RNF2: variants seen among roughly 807,000 people sequenced by gnomAD.
RNF2 encodes the protein ring finger protein 2.
In RNF2, 6 loss-of-function variants were observed where a neutral mutation model predicts 37.2. The ratio of observed to expected loss-of-function variants is 0.16; its 90% CI spans 0.09 to 0.32. RNF2 has a LOEUF of 0.32. RNF2 is among the 10% of genes least tolerant of loss of function. The pLI is 1.00. For missense variants in RNF2, 251 were observed against 404.0 expected (o/e 0.62, Z 3.25); for synonymous variants, 133 against 132.7 (o/e 1.00, Z -0.02).
intron 1 of RNF2, among the ~76,000 whole-genome samples, chr1:185,068,594 C>T (rs556276928): frequency 6.6e-6 from 1 of 152,218 alleles, no homozygotes; most frequent in Non-Finnish European, 1.5e-5. Context: ...AACAGATTCT[C>T]CCCTAGGGCC....
chr1:185,087,586 A>G lies in RNF2; in HGVS notation c.33A>G (p.Gln11=). The G allele has an allele frequency of 6.8e-6, 11 of 1,614,192 alleles. No individual in the cohort carries two copies. The highest frequency in any genetic ancestry group is 1.1e-5 in the South Asian group (1 of 91,084). The change falls in exon 2 of 7, where the codon CAA becomes CAG. Residue 11 remains glutamine (Q), a synonymous_variant. Transcript: ENST00000367510. MSQAVQTNGT[Q]PLSKTWELSL... Reference sequence around the variant, plus strand: ...AGGCTGTGCAGACAAACGGAACTCAACCATTAAGCAAAACATGGGAACTCA... The same window carrying G: ...AGGCTGTGCAGACAAACGGAACTCAGCCATTAAGCAAAACATGGGAACTCA...
chr1:185,055,754 T>C (rs1447081575), intron 1 of RNF2, among the ~76,000 whole-genome samples: 3 of 152,212 alleles, frequency 2.0e-5, no homozygotes, highest in Non-Finnish European at 4.4e-5. Context: ...TTATATCAGA[T>C]TCAGAAAATC....
intron 1 of RNF2, among the ~76,000 whole-genome samples, chr1:185,051,523 G>A (rs1409244034): frequency 6.6e-6 from 1 of 152,218 alleles, no homozygotes; most frequent in African/African-American, 2.4e-5. Context: ...AGTTTAAGGG[G>A]TGTATGTGAA....
intron 1 of RNF2, among the ~76,000 whole-genome samples, chr1:185,054,982 G>T (rs2102154273): frequency 6.6e-6 from 1 of 152,350 alleles, no homozygotes; most frequent in East Asian, 1.9e-4. Context: ...TTACAGGCAT[G>T]AGCCAATGCA....
chr1:185,091,612 T>G lies in RNF2; in HGVS notation c.121T>G (p.Ser41Ala), dbSNP rs1306883487. 6.2e-7 allele frequency: 1 copy of G among 1,613,876 alleles called. No individual in the cohort carries two copies. The highest frequency in any genetic ancestry group is 1.7e-5 in the Admixed American group (1 of 60,022). ...AITDGLEIVV[S>A]PRSLHSELMC... ...AACAGATGGCTTAGAAATTGTGGTT[T>G]CACCTCGAAGTCTACACAGTGAATT... The change falls in exon 3 of 7, where the codon TCA (serine) becomes GCA (alanine). Residue 41 changes from serine to alanine, a missense_variant. Coordinates refer to ENST00000367510, the MANE Select transcript of RNF2 (RefSeq NM_007212.4).
At chr1:185,092,947 A>T in intron 3 of RNF2, 114 bp from the exon 4 acceptor site, 1 of 870,180 alleles carries the variant, frequency 1.1e-6, no homozygotes, top group Non-Finnish European at 1.8e-6. Flanking sequence ...CATTTCTGTG[A>T]CTTATTAAAG....
chr1:185,068,390 G>A (rs1006795986), intron 1 of RNF2, among the ~76,000 whole-genome samples: 1 of 152,180 alleles, frequency 6.6e-6, no homozygotes, highest in Non-Finnish European at 1.5e-5. Flanking sequence ...TAAGTTAATG[G>A]TATTGAGATG....
At chr1:185,082,738 A>C (rs1254742397) in intron 1 of RNF2, among the ~76,000 whole-genome samples, 1 of 152,214 alleles carries the variant, frequency 6.6e-6, no homozygotes, top group East Asian at 1.9e-4. Context: ...TGTTGCGAGT[A>C]GTCTCCACTG....
intron 1 of RNF2, among the ~76,000 whole-genome samples, chr1:185,046,966 TAGC>T (rs1296431750): frequency 2.6e-5 from 4 of 152,244 alleles, no homozygotes; most frequent in Admixed American, 6.5e-5. Context: ...AGTATTTAAA[TAGC>T]AGCAATATGA....
intron 5 of RNF2, 129 bp downstream of exon 5, chr1:185,098,473 T>G (rs756923280): frequency 4.7e-5 from 51 of 1,074,158 alleles, no homozygotes; most frequent in Non-Finnish European, 6.7e-5. Context: ...AGTTACTAGC[T>G]GCCTAGATTG....
chr1:185,095,430 TCACTTTCTTAG>T (rs1302710455), intron 4 of RNF2, among the ~76,000 whole-genome samples: 2 of 152,204 alleles, frequency 1.3e-5, no homozygotes, highest in Non-Finnish European at 2.9e-5. Flanking sequence ...GCACACTACC[TCACTTTCTTAG>T]CAGGTATCTG....
chr1:185,081,819 G>A (rs984186259), intron 1 of RNF2, among the ~76,000 whole-genome samples: 1 of 152,096 alleles, frequency 6.6e-6, no homozygotes, highest in Non-Finnish European at 1.5e-5. Flanking sequence ...TGCAGTTTTC[G>A]GTGCATCTCG....
At chr1:185,046,573 G>C (rs971157587) in intron 1 of RNF2, among the ~76,000 whole-genome samples, 7 of 152,018 alleles carry the variant, frequency 4.6e-5, no homozygotes, top group Non-Finnish European at 1.0e-4. Flanking sequence ...AGCCCCTTTG[G>C]GTATCTTTTT....
At chr1:185,075,278 G>A (rs1439007433) in intron 1 of RNF2, among the ~76,000 whole-genome samples, 1 of 152,138 alleles carries the variant, frequency 6.6e-6, no homozygotes, top group Non-Finnish European at 1.5e-5. Context: ...ACAGACATGA[G>A]CTACTGTATT....
intron 2 of RNF2, among the ~76,000 whole-genome samples, chr1:185,089,493 C>T (rs1171092076): frequency 2.0e-5 from 3 of 152,088 alleles, no homozygotes; most frequent in East Asian, 3.9e-4. Context: ...GACAAGAGCA[C>T]GTTCACCTGA....
intron 1 of RNF2, among the ~76,000 whole-genome samples, chr1:185,086,024 CT>C (rs1209274836): frequency 1.3e-5 from 2 of 152,110 alleles, no homozygotes; most frequent in Non-Finnish European, 2.9e-5. Flanking sequence ...TTAGAACCTG[CT>C]TTCTTTTATA....
intron 1 of RNF2, among the ~76,000 whole-genome samples, chr1:185,082,803 C>T (rs891488092): frequency 1.3e-5 from 2 of 152,090 alleles, no homozygotes; most frequent in African/African-American, 2.4e-5. Flanking sequence ...TGTTTTTTGT[C>T]TAATAACATT....
chr1:185,074,766 A>G (rs560563662), intron 1 of RNF2, among the ~76,000 whole-genome samples: 10 of 152,188 alleles, frequency 6.6e-5, no homozygotes, highest in Non-Finnish European at 1.3e-4. Flanking sequence ...TATAACAATT[A>G]TTTACATAGC....
intron 5 of RNF2, 70 bp from the exon 6 acceptor site, chr1:185,099,721 C>A: frequency 1.6e-6 from 2 of 1,282,010 alleles, no homozygotes; most frequent in South Asian, 1.3e-5. Context: ...TGTATTAGTT[C>A]CATAATTTAA....
Sources: allele counts gnomAD v4.1 joint callset (sites outside exome capture counted in the v4.1 genomes callset), GRCh38; gene constraint gnomAD v4.1.1; transcripts MANE v1.5; gene names NCBI Gene and HGNC (gene_info 2026-07-23, HGNC 2026-07-21).